CACNA1D: variants seen among roughly 807,000 people sequenced by gnomAD.
CACNA1D encodes the protein voltage-dependent L-type calcium channel subunit alpha-1D.
CACNA1D carries 55 observed loss-of-function variants against 257.1 expected under a neutral mutation model. The observed-to-expected ratio is 0.21, with a 90% CI of 0.17 to 0.27. The LOEUF is 0.27. Among genes scored for constraint, CACNA1D ranks in the 10% least tolerant of loss-of-function variants. CACNA1D has a pLI of 1.00. For missense variants in CACNA1D, 1,876 were observed against 2,784.0 expected (o/e 0.67, Z 7.34); for synonymous variants, 980 against 1,014.9 (o/e 0.97, Z 0.65).
intron 3 of CACNA1D, among the ~76,000 whole-genome samples, chr3:53,612,164 A>G (rs981485917): frequency 7.2e-5 from 11 of 152,190 alleles, no homozygotes; most frequent in Admixed American, 6.5e-4. Context: ...TGCTAATTCT[A>G]TTACCTCCTC....
intron 3 of CACNA1D, among the ~76,000 whole-genome samples, chr3:53,574,026 G>T (rs2092993213): frequency 6.6e-6 from 1 of 152,078 alleles, no homozygotes; most frequent in African/African-American, 2.4e-5. Flanking sequence ...TCTTGACTTG[G>T]AGGCCCAGGG....
chr3:53,807,165 G>A (rs1322019063), intron 45 of CACNA1D, among the ~76,000 whole-genome samples: 2 of 151,824 alleles, frequency 1.3e-5, no homozygotes, highest in Non-Finnish European at 2.9e-5. Context: ...GATCCCTGGA[G>A]CATTTTAGAA....
chr3:53,669,095 T>C (rs1053075922), intron 7 of CACNA1D, among the ~76,000 whole-genome samples: 1 of 152,268 alleles, frequency 6.6e-6, no homozygotes, highest in Non-Finnish European at 1.5e-5. Flanking sequence ...AGCTAAGTAA[T>C]GTCTTCCCGA....
At chr3:53,543,825 C>A (rs991597328) in intron 3 of CACNA1D, among the ~76,000 whole-genome samples, 1 of 152,114 alleles carries the variant, frequency 6.6e-6, no homozygotes, top group African/African-American at 2.4e-5. Context: ...CCTAACAGAT[C>A]TGAACTTTTT....
In CACNA1D at chr3:53,811,282, C is replaced by T; in HGVS notation, c.6362C>T (p.Pro2121Leu). The change falls in exon 48 of 48, where the codon CCC (proline) becomes CTC (leucine). Residue 2121 changes from proline to leucine, a missense_variant. This residue lies in a region of CACNA1D where 491 missense variants were observed against 554.3 expected (regional missense o/e 0.89). Transcript: ENST00000350061. The surrounding 1 kb of genome is among the most constrained non-coding windows in gnomAD (Gnocchi z 4.2). Reference sequence around the variant, plus strand: ...CCCCGAGCCAACGGGGATGTGGGCCCCCTCTCACACCGGCAGGACTATGAG... The same window carrying T: ...CCCCGAGCCAACGGGGATGTGGGCCTCCTCTCACACCGGCAGGACTATGAG... ...VRPRANGDVG[P>L]LSHRQDYELQ... is the part of the protein sequence containing the mutation. 1 of 1,613,922 alleles carries T rather than the reference C, an allele frequency of 6.2e-7. No homozygotes were observed. The highest frequency in any genetic ancestry group is 8.5e-7 in the Non-Finnish European group (1 of 1,180,034).
intron 3 of CACNA1D, among the ~76,000 whole-genome samples, chr3:53,580,404 C>T (rs531233972): frequency 1.3e-5 from 2 of 152,312 alleles, no homozygotes; most frequent in African/African-American, 4.8e-5. Flanking sequence ...TTTAGCACAG[C>T]GAATAGAGAA....
chr3:53,723,277 G>A lies in CACNA1D; in HGVS notation c.1667-157G>A, dbSNP rs770634184. On this transcript the variant is annotated intron_variant, in intron 12 of 47. Coordinates refer to ENST00000350061, the MANE Select transcript of CACNA1D (RefSeq NM_001128840.3). This position sits in a 1 kb window ranked among gnomAD's most constrained non-coding sequence, Gnocchi z 5.6. ...AACCTGGTGGACAGACTGTCCACGCGAAGGCCACGTTTCTGTCCTGAGTGA... is the reference window on the plus strand; with the variant it reads ...AACCTGGTGGACAGACTGTCCACGCAAAGGCCACGTTTCTGTCCTGAGTGA... Among the ~76,000 whole-genome samples the A allele has an allele frequency of 6.8e-4, 103 of 152,100 alleles. 1 individual carries two copies. The South Asian group carries it at 6.8e-3, about 10-fold the overall frequency.
At chr3:53,612,917 G>A (rs1210185293) in intron 3 of CACNA1D, among the ~76,000 whole-genome samples, 1 of 152,188 alleles carries the variant, frequency 6.6e-6, no homozygotes, top group Admixed American at 6.5e-5. Flanking sequence ...AAGGCAGGAG[G>A]ATAAATTTGG....
chr3:53,795,376 G>A (rs1237766044), intron 40 of CACNA1D, among the ~76,000 whole-genome samples: 2 of 152,228 alleles, frequency 1.3e-5, no homozygotes, highest in Non-Finnish European at 2.9e-5. Context: ...CTCCAATCCA[G>A]CGTTCTTTCC....
At chr3:53,601,480 CT>C (rs2093441340) in intron 3 of CACNA1D, among the ~76,000 whole-genome samples, 1 of 152,108 alleles carries the variant, frequency 6.6e-6, no homozygotes, top group African/African-American at 2.4e-5. Context: ...TCTAAAAGTC[CT>C]GGGATTTTAT....
At chr3:53,807,088 G>A (rs1385720274) in intron 45 of CACNA1D, among the ~76,000 whole-genome samples, 1 of 152,256 alleles carries the variant, frequency 6.6e-6, no homozygotes, top group Non-Finnish European at 1.5e-5. Context: ...CTCCACCTGT[G>A]TTCTCAGCTG....
chr3:53,808,583 C>T (rs1385254058), intron 45 of CACNA1D, 66 bp from the exon 46 acceptor site: 55 of 1,595,786 alleles, frequency 3.4e-5, no homozygotes, highest in Non-Finnish European at 4.4e-5. Context: ...GCCACCCTGA[C>T]TCTGAAAGAC....
At chr3:53,728,705 A>G (rs910406780) in intron 15 of CACNA1D, among the ~76,000 whole-genome samples, 7 of 152,130 alleles carry the variant, frequency 4.6e-5, no homozygotes, top group African/African-American at 1.2e-4. Context: ...TCTTTATAGC[A>G]CATGCCACTG....
At chr3:53,746,526 C>T (rs2362424) in intron 25 of CACNA1D, among the ~76,000 whole-genome samples, 2,888 of 152,222 alleles carry the variant, frequency 0.019, 56 homozygotes, top group East Asian at 0.095. Flanking sequence ...TCCCCACCCG[C>T]GAGAGACATA....
intron 3 of CACNA1D, among the ~76,000 whole-genome samples, chr3:53,516,983 G>A (rs3774421): frequency 0.19 from 29,097 of 152,144 alleles, 3,107 homozygotes; most frequent in Non-Finnish European, 0.25. Flanking sequence ...TTTGGAGTCC[G>A]GTGGCCTGGC....
chr3:53,503,779 G>C (rs1339692906), intron 3 of CACNA1D, among the ~76,000 whole-genome samples: 3 of 147,998 alleles, frequency 2.0e-5, no homozygotes, highest in Non-Finnish European at 3.0e-5. Flanking sequence ...TTTTTTTTGT[G>C]GGGGGGGATT....
chr3:53,690,619 C>T (rs1319167846), intron 8 of CACNA1D, among the ~76,000 whole-genome samples: 1 of 152,218 alleles, frequency 6.6e-6, no homozygotes, highest in Admixed American at 6.5e-5. Flanking sequence ...CTATCCCTCT[C>T]CTCTCTAGAT....
chr3:53,765,320 A>T (rs1032576520), intron 30 of CACNA1D: 2 of 152,658 alleles, frequency 1.3e-5, no homozygotes, highest in African/African-American at 4.8e-5. Flanking sequence ...CCTTTGGTTC[A>T]TCATTGGCTG....
chr3:53,806,190 T>G (rs1576735866), intron 45 of CACNA1D, among the ~76,000 whole-genome samples: 1 of 69,796 alleles, frequency 1.4e-5, no homozygotes, highest in Non-Finnish European at 2.7e-5. Flanking sequence ...TCCTCCTCCC[T>G]CCTCCCTCCT....
Sources: gnomAD v4.1 joint callset for allele counts (sites outside exome capture counted in the v4.1 genomes callset) on GRCh38, gnomAD v4.1.1 for gene constraint, gnomAD v4.1.1 regional missense constraint, Gnocchi (gnomAD v3.1) non-coding constraint, MANE v1.5 for transcripts, NCBI Gene and HGNC (gene_info 2026-07-23, HGNC 2026-07-21) for gene names.